NME7: variants seen among roughly 807,000 people sequenced by gnomAD.
NME7 encodes NME/NM23 family member 7.
In NME7, 41 loss-of-function variants were observed where a neutral mutation model predicts 49.1. That is an observed-to-expected ratio of 0.83 (90% CI 0.65 to 1.08). NME7 has a LOEUF of 1.08. Among genes scored for constraint, NME7 ranks in the 50% least tolerant of loss-of-function variants. The probability of loss-of-function intolerance (pLI) is 0.00; values close to 1 mark genes in which losing one functional copy is unlikely to be tolerated. For synonymous variants in NME7, 139 were observed against 150.6 expected (o/e 0.92, Z 0.56); for missense variants, 423 against 463.4 (o/e 0.91, Z 0.80).
chr1:169,301,464 C>T lies in NME7; in HGVS notation c.440+1681G>A, dbSNP rs115910576. 5.7e-3 allele frequency among the ~76,000 whole-genome samples: 860 copies of T among 152,204 alleles called. 6 individuals are homozygous for T. The highest frequency in any genetic ancestry group is 0.02 in the African/African-American group (824 of 41,540). ...ATAGAGGAAAGAGAATGCTTATACA[C>T]GGTTGGTGGGAATATTAATTACTCC... On this transcript the variant is annotated intron_variant, in intron 5 of 11. Coordinates refer to ENST00000367811, the MANE Select transcript of NME7 (RefSeq NM_013330.5).
At chr1:169,342,528 ACAAG>A (rs1157922352) in intron 1 of NME7, among the ~76,000 whole-genome samples, 8 of 57,878 alleles carry the variant, frequency 1.4e-4, no homozygotes, top group African/African-American at 3.4e-4. Context: ...GTATATATAT[ACAAG>A]TACATATATA....
chr1:169,356,606 C>T (rs889114817), intron 1 of NME7, among the ~76,000 whole-genome samples: 2 of 152,054 alleles, frequency 1.3e-5, no homozygotes, highest in African/African-American at 4.8e-5. Context: ...TCTGAATAGT[C>T]ACCAACTCTG....
intron 10 of NME7, among the ~76,000 whole-genome samples, chr1:169,216,722 T>C (rs1345034501): frequency 1.3e-5 from 2 of 152,164 alleles, no homozygotes; most frequent in Admixed American, 1.3e-4. Flanking sequence ...CCTCAACCTA[T>C]GGGATCTCTA....
intron 5 of NME7, among the ~76,000 whole-genome samples, chr1:169,299,916 A>G (rs1450217266): frequency 6.6e-6 from 1 of 152,142 alleles, no homozygotes; most frequent in African/African-American, 2.4e-5. Flanking sequence ...TCACTCAATA[A>G]GCATTTAATA....
intron 1 of NME7, among the ~76,000 whole-genome samples, chr1:169,360,616 C>T (rs1239735290): frequency 1.3e-5 from 2 of 152,172 alleles, no homozygotes; most frequent in Non-Finnish European, 2.9e-5. Flanking sequence ...TCCTCTAATG[C>T]ACCTCTGTGC....
intron 7 of NME7, among the ~76,000 whole-genome samples, chr1:169,247,664 G>A (rs1262052731): frequency 6.6e-6 from 1 of 152,002 alleles, no homozygotes; most frequent in East Asian, 1.9e-4. Flanking sequence ...AGTCGCCAAA[G>A]TCCATCATAG....
chr1:169,187,215 GAGA>G (rs1660091196), intron 10 of NME7, among the ~76,000 whole-genome samples: 1 of 151,514 alleles, frequency 6.6e-6, no homozygotes, highest in South Asian at 2.1e-4. Flanking sequence ...TGTGGGTGCT[GAGA>G]AGAATGATTT....
At chr1:169,188,648 TTAATCAAAACCTTGACTTA>T (rs1660141061) in intron 10 of NME7, among the ~76,000 whole-genome samples, 1 of 152,232 alleles carries the variant, frequency 6.6e-6, no homozygotes, top group Non-Finnish European at 1.5e-5. Context: ...TCATTCGGTA[TTAATCAAAACCTTGACTTA>T]AAGAACAGGT....
At chr1:169,243,747 T>C (rs1648185640) in intron 7 of NME7, among the ~76,000 whole-genome samples, 1 of 152,182 alleles carries the variant, frequency 6.6e-6, no homozygotes, top group Non-Finnish European at 1.5e-5. Context: ...TATGGAGAAC[T>C]GTGGGAAATA....
chr1:169,337,904 C>CTTTAG (rs1652543156), intron 1 of NME7, among the ~76,000 whole-genome samples: 1 of 152,146 alleles, frequency 6.6e-6, no homozygotes, highest in African/African-American at 2.4e-5. Flanking sequence ...ATTAACCTTA[C>CTTTAG]TTTAGTGTGA....
chr1:169,169,375 T>C (rs1217714966), intron 11 of NME7, 72 bp downstream of exon 11: 2 of 1,362,336 alleles, frequency 1.5e-6, no homozygotes, highest in African/African-American at 2.9e-5. Flanking sequence ...AAAAGTTTTC[T>C]TACACATCAG....
At chr1:169,367,573 G>C in intron 1 of NME7, 135 bp downstream of exon 1, 3 of 959,752 alleles carry the variant, frequency 3.1e-6, no homozygotes, top group Non-Finnish European at 5.1e-6. Context: ...GGAACAGCCC[G>C]TGGGAAGGGG....
intron 7 of NME7, among the ~76,000 whole-genome samples, chr1:169,245,924 T>A (rs1391713577): frequency 2.6e-5 from 4 of 152,304 alleles, no homozygotes; most frequent in Admixed American, 6.5e-5. Context: ...GCTTTCTGTC[T>A]CCTAGAGAGC....
intron 10 of NME7, among the ~76,000 whole-genome samples, chr1:169,173,424 G>A (rs913108469): frequency 3.9e-5 from 6 of 151,958 alleles, no homozygotes; most frequent in Non-Finnish European, 5.9e-5. Flanking sequence ...CAGAAAACAT[G>A]AAGTATTTTT....
chr1:169,136,615 T>C (rs910477320), intron 11 of NME7, among the ~76,000 whole-genome samples: 2 of 152,204 alleles, frequency 1.3e-5, no homozygotes, highest in Non-Finnish European at 2.9e-5. Flanking sequence ...TCGATACCAC[T>C]TCCTTCCCCT....
chr1:169,350,582 T>C (rs989171550), intron 1 of NME7, among the ~76,000 whole-genome samples: 13 of 151,932 alleles, frequency 8.6e-5, no homozygotes, highest in Non-Finnish European at 1.6e-4. Context: ...TCTCCCTCTT[T>C]ATTGGTCCTG....
intron 11 of NME7, among the ~76,000 whole-genome samples, chr1:169,166,951 G>A (rs1244381178): frequency 2.0e-5 from 3 of 152,158 alleles, no homozygotes; most frequent in Non-Finnish European, 4.4e-5. Flanking sequence ...CAGCCTGGGC[G>A]ACAGAGTGAG....
chr1:169,251,425 T>A (rs1478624406), intron 7 of NME7, among the ~76,000 whole-genome samples: 1 of 152,072 alleles, frequency 6.6e-6, no homozygotes, highest in Non-Finnish European at 1.5e-5. Context: ...ATTTTTAAAA[T>A]CCATTCTGCC....
intron 3 of NME7, among the ~76,000 whole-genome samples, chr1:169,313,197 G>A: frequency 1.5e-5 from 2 of 133,280 alleles, no homozygotes; most frequent in African/African-American, 2.8e-5. Context: ...ATAATTACTG[G>A]GACAAAAGTG....
Sources: gnomAD v4.1 joint callset for allele counts (sites outside exome capture counted in the v4.1 genomes callset) on GRCh38, gnomAD v4.1.1 for gene constraint, MANE v1.5 for transcripts, NCBI Gene and HGNC (gene_info 2026-07-23, HGNC 2026-07-21) for gene names.